FAIM2: variants seen among roughly 807,000 people sequenced by gnomAD.
The protein encoded by FAIM2 is Fas apoptotic inhibitory molecule 2.
Under a neutral mutation model 47.4 loss-of-function variants are expected in FAIM2, and 27 were observed. The observed-to-expected ratio is 0.57, with a 90% CI of 0.42 to 0.78. FAIM2 has a LOEUF of 0.78. FAIM2 is among the 30% of genes least tolerant of loss of function. FAIM2 has a pLI of 0.00. For synonymous variants in FAIM2, 156 were observed against 159.3 expected, an observed-to-expected ratio of 0.98 and a Z score of 0.16; for missense variants, 311 against 389.4, an observed-to-expected ratio of 0.80 and a Z score of 1.69.
At chr12:49,895,825 A>G (rs960062910) in intron 5 of FAIM2, among the ~76,000 whole-genome samples, 5 of 152,196 alleles carry the variant, frequency 3.3e-5, no homozygotes, top group African/African-American at 9.7e-5. Context: ...CCAGGAACAG[A>G]CTTGGGACAG....
intron 11 of FAIM2, among the ~76,000 whole-genome samples, chr12:49,875,041 T>C (rs1463013910): frequency 1.3e-5 from 2 of 152,200 alleles, no homozygotes; most frequent in Non-Finnish European, 2.9e-5. Flanking sequence ...GAGAGATAAT[T>C]CATGGTTCCT....
At chr12:49,896,945 A>G (rs297935) in intron 5 of FAIM2, 86 bp downstream of exon 5, 803,238 of 1,111,240 alleles carry the variant, frequency 0.72, 292,461 homozygotes, top group East Asian at 0.86. Context: ...CTACGGGCTC[A>G]GATTAGGTCA....
At chr12:49,890,585 A>G in intron 7 of FAIM2, 98 bp downstream of exon 7, 2 of 1,145,984 alleles carry the variant, frequency 1.7e-6, no homozygotes, top group East Asian at 4.7e-5. Context: ...CACATTGGAC[A>G]TCCCCAGCCC....
chr12:49,895,028 G>A (rs1164180509), intron 5 of FAIM2, among the ~76,000 whole-genome samples: 1 of 151,300 alleles, frequency 6.6e-6, no homozygotes, highest in East Asian at 2.0e-4. Context: ...CCAACTTAGG[G>A]GGCAGGACGG....
In FAIM2 at chr12:49,868,789, A is replaced by G. The variant is rs1301591454; in HGVS notation, c.*1715T>C. On this transcript the variant is annotated 3_prime_UTR_variant, in exon 12 of 12. Coordinates refer to ENST00000320634, the MANE Select transcript of FAIM2 (RefSeq NM_012306.4). ...TCACTGCGATGGATTAATTTAGACC[A>G]GCACACAGTGGGCATCTCACCCGTG... is the stretch of plus-strand genomic sequence containing the variant. 1 of 152,300 alleles carries G rather than the reference A, an allele frequency of 6.6e-6. No individual in the cohort carries two copies. Among genetic ancestry groups the G allele is most frequent in the Non-Finnish European group, 1.5e-5 (1 of 68,094 alleles). The allele number at this position is 152,300 out of a possible 1,614,324, so 9.4% of individuals were successfully genotyped here.
At chr12:49,877,627 T>G (rs991013840) in intron 11 of FAIM2, among the ~76,000 whole-genome samples, 1 of 9,990 alleles carries the variant, frequency 1.0e-4, no homozygotes, top group African/African-American at 1.1e-3. Context: ...AAAAGCAGGG[T>G]GAGGGGTTGG....
Position 49,889,202 on chromosome 12 carries a change from A to G in FAIM2, c.652T>C (p.Phe218Leu). The G allele has an allele frequency of 1.2e-6, 2 of 1,608,566 alleles. No homozygotes were observed. The highest frequency in any genetic ancestry group is 1.7e-4 in the Middle Eastern group (1 of 6,052). ...SVTVFSFQTK[F>L]DFTSCQGVLF... The stretch of plus-strand genomic sequence containing the variant: ...ACGCCCTGGCAGGAGGTGAAGTCGA[A>G]CTGTGGGGACAGGATGGGGTTAGCT... The change falls in exon 10 of 12, where the codon TTC becomes CTC. Residue 218 changes from phenylalanine (F) to leucine (L), a missense_variant and splice_region_variant. Phe to Leu is a conservative substitution (Grantham distance 22). Transcript: ENST00000320634.
At chr12:49,896,137 C>T (rs1361123340) in intron 5 of FAIM2, among the ~76,000 whole-genome samples, 2 of 152,198 alleles carry the variant, frequency 1.3e-5, no homozygotes, top group African/African-American at 4.8e-5. Flanking sequence ...TCTGTTCATG[C>T]TACCTTGGGC....
chr12:49,898,589 G>C (rs1946958152), intron 2 of FAIM2, among the ~76,000 whole-genome samples: 1 of 152,152 alleles, frequency 6.6e-6, no homozygotes, highest in South Asian at 2.1e-4. Flanking sequence ...GCAGTGGCAT[G>C]ATCATGGCTC....
chr12:49,890,856 TC>T, intron 6 of FAIM2, 134 bp from the exon 7 acceptor site: 1 of 888,790 alleles, frequency 1.1e-6, no homozygotes, highest in Non-Finnish European at 1.9e-6. Flanking sequence ...TTCAGCCACA[TC>T]CCCATTTGCT....
chr12:49,885,412 C>A (rs1236821704), intron 11 of FAIM2, among the ~76,000 whole-genome samples: 1 of 152,194 alleles, frequency 6.6e-6, no homozygotes, highest in Admixed American at 6.5e-5. Context: ...GCGCTGTTGC[C>A]CAGACTAGCT....
chr12:49,878,902 GTA>G (rs1229041290), intron 11 of FAIM2, among the ~76,000 whole-genome samples: 5 of 132,828 alleles, frequency 3.8e-5, no homozygotes, highest in South Asian at 2.7e-4. Context: ...ATGTGCATGT[GTA>G]TGCGTGTGAG....
intron 11 of FAIM2, among the ~76,000 whole-genome samples, chr12:49,881,991 G>A (rs117460739): frequency 4.8e-4 from 73 of 152,346 alleles, no homozygotes; most frequent in Non-Finnish European, 8.7e-4. Context: ...TCGGATTCTC[G>A]AAGCTGGATT....
chr12:49,901,388 C>G lies in FAIM2; in HGVS notation c.16-63G>C. On this transcript the variant is annotated intron_variant, in intron 1 of 11. Coordinates refer to ENST00000320634, the MANE Select transcript of FAIM2 (RefSeq NM_012306.4). ...GAAAGGGAGCCTTCCAACTCCTCCTCCTCACCAACTCTTCAATTCCTGGAA... is the reference window on the plus strand; with the variant it reads ...GAAAGGGAGCCTTCCAACTCCTCCTGCTCACCAACTCTTCAATTCCTGGAA... 7.8e-6 allele frequency: 10 copies of G among 1,275,490 alleles called. 1 individual carries two copies. In the South Asian group the frequency reaches 1.2e-4, roughly 16 times the overall value. 79.0% of individuals were successfully genotyped at this position (1,275,490 alleles called of 1,614,324 possible). A position where few individuals can be genotyped will look rare whatever the true frequency, so the allele number is the denominator to read the frequency against.
intron 11 of FAIM2, among the ~76,000 whole-genome samples, chr12:49,875,042 C>A (rs530308063): frequency 3.2e-4 from 48 of 152,296 alleles, no homozygotes; most frequent in African/African-American, 1.0e-3. Flanking sequence ...AGAGATAATT[C>A]ATGGTTCCTG....
chr12:49,898,718 G>A (rs1946959848), intron 2 of FAIM2, among the ~76,000 whole-genome samples: 1 of 152,050 alleles, frequency 6.6e-6, no homozygotes, highest in Admixed American at 6.6e-5. Context: ...AGTAGGGATG[G>A]GGTTTCACCA....
At chr12:49,897,876 C>G (rs1194638138) in intron 3 of FAIM2, 111 bp downstream of exon 3, 1 of 831,252 alleles carries the variant, frequency 1.2e-6, no homozygotes, top group Non-Finnish European at 2.0e-6. Flanking sequence ...GCTGGGATCA[C>G]AAGAGAAGGG....
intron 9 of FAIM2, 94 bp from the exon 10 acceptor site, chr12:49,889,296 T>C: frequency 3.7e-6 from 4 of 1,092,714 alleles, no homozygotes; most frequent in Non-Finnish European, 5.5e-6. Context: ...CACAGTCTTG[T>C]GCTTACCCCA....
chr12:49,900,365 G>T, intron 2 of FAIM2: 1 of 363,456 alleles, frequency 2.8e-6, no homozygotes, highest in Non-Finnish European at 4.8e-6. Flanking sequence ...AAGGCCACAG[G>T]GGCTAAGGAG....
Sources: gnomAD v4.1 joint callset for allele counts (sites outside exome capture counted in the v4.1 genomes callset) on GRCh38, gnomAD v4.1.1 for gene constraint, MANE v1.5 for transcripts, NCBI Gene and HGNC (gene_info 2026-07-23, HGNC 2026-07-21) for gene names.